The following NEBL variants were observed in gnomAD, a reference collection of about 807,000 sequenced individuals.
NEBL encodes the protein nebulette, also known as LIM and SH3 protein 2.
Under a neutral mutation model 140.2 loss-of-function variants are expected in NEBL, and 122 were observed. The ratio of observed to expected loss-of-function variants is 0.87; its 90% CI spans 0.75 to 1.01. The LOEUF is 1.01. Among genes scored for constraint, NEBL ranks in the 50% least tolerant of loss-of-function variants. The pLI, the probability that NEBL is intolerant of heterozygous loss-of-function variation, is 0.00. For synonymous variants in NEBL, 436 were observed against 398.9 expected, an observed-to-expected ratio of 1.09 and a Z score of -1.11; for missense variants, 1,365 against 1,231.3, an observed-to-expected ratio of 1.11 and a Z score of -1.62.
intron 1 of NEBL, among the ~76,000 whole-genome samples, chr10:21,280,521 C>A (rs1313287968): frequency 6.6e-6 from 1 of 151,470 alleles, no homozygotes; most frequent in Non-Finnish European, 1.5e-5. Context: ...AGACAGTGGC[C>A]TAGGAGGTGT....
At chr10:21,112,767 A>T (rs1838088607) in intron 2 of NEBL, 2 of 162,290 alleles carry the variant, frequency 1.2e-5, no homozygotes, top group South Asian at 1.8e-4. Context: ...AAAAGAAAAA[A>T]ATTGAAAATG....
chr10:21,071,274 G>A (rs1421992205), intron 2 of NEBL, among the ~76,000 whole-genome samples: 1 of 150,818 alleles, frequency 6.6e-6, no homozygotes, highest in Non-Finnish European at 1.5e-5. Context: ...GAAGGTCCCT[G>A]AAAAATATTA....
At chr10:21,076,930 A>C (rs1032286806) in intron 2 of NEBL, among the ~76,000 whole-genome samples, 1 of 152,192 alleles carries the variant, frequency 6.6e-6, no homozygotes, top group Non-Finnish European at 1.5e-5. Context: ...TTAGTGTTTC[A>C]TGGATGTGGA....
intron 10 of NEBL, 55 bp from the exon 11 acceptor site, chr10:20,850,557 C>G: frequency 8.8e-7 from 1 of 1,130,130 alleles, no homozygotes; most frequent in Non-Finnish European, 1.3e-6. Context: ...ACAAACAGAG[C>G]AAACTAAGAA....
At chr10:20,819,396 A>C (rs748705895) in intron 20 of NEBL, 28 bp downstream of exon 20, 2 of 1,613,872 alleles carry the variant, frequency 1.2e-6, no homozygotes, top group Non-Finnish European at 1.7e-6. Context: ...TGTTTGAGAA[A>C]ATATAAAAGG....
intron 3 of NEBL, among the ~76,000 whole-genome samples, chr10:21,229,240 G>T (rs773887917): frequency 8.5e-5 from 13 of 152,134 alleles, no homozygotes; most frequent in Admixed American, 3.3e-4. Flanking sequence ...AGGCAACATG[G>T]CAAAGGCCTA....
chr10:20,939,472 GC>G (rs976788831), intron 4 of NEBL, among the ~76,000 whole-genome samples: 67 of 152,318 alleles, frequency 4.4e-4, no homozygotes, highest in African/African-American at 1.5e-3. Context: ...ACCAGCCACT[GC>G]AAAAACATGC....
chr10:21,160,623 A>G (rs1840518138), intron 2 of NEBL, among the ~76,000 whole-genome samples: 1 of 144,734 alleles, frequency 6.9e-6, no homozygotes, highest in Admixed American at 7.1e-5. Context: ...AGAGAGAAAG[A>G]GAAACGGAGA....
At chr10:20,883,273 C>T (rs1245894647) in intron 4 of NEBL, among the ~76,000 whole-genome samples, 4 of 152,164 alleles carry the variant, frequency 2.6e-5, no homozygotes, top group Non-Finnish European at 1.5e-5. Context: ...CAGTCCTGCC[C>T]AGCCATGTTC....
intron 4 of NEBL, among the ~76,000 whole-genome samples, chr10:20,951,734 G>T (rs1029370062): frequency 8.5e-5 from 13 of 152,112 alleles, no homozygotes; most frequent in African/African-American, 3.1e-4. Flanking sequence ...AGTCACATCT[G>T]GGACTCCAAA....
intron 2 of NEBL, among the ~76,000 whole-genome samples, chr10:21,166,430 A>G (rs967058463): frequency 2.0e-5 from 3 of 152,196 alleles, no homozygotes; most frequent in Non-Finnish European, 4.4e-5. Context: ...AGCAGCCCAT[A>G]GTGCGAAAAA....
chr10:21,047,731 G>A (rs1834585042), intron 2 of NEBL, among the ~76,000 whole-genome samples: 1 of 152,148 alleles, frequency 6.6e-6, no homozygotes, highest in Admixed American at 6.5e-5. Context: ...CTTAATCCTT[G>A]TTCTGCCACC....
intron 1 of NEBL, among the ~76,000 whole-genome samples, chr10:21,274,228 T>C (rs1842891943): frequency 6.6e-6 from 1 of 152,108 alleles, no homozygotes; most frequent in South Asian, 2.1e-4. Flanking sequence ...GGAAATACAG[T>C]GGACCCTTAA....
chr10:20,902,867 G>C (rs1847929409), intron 4 of NEBL, among the ~76,000 whole-genome samples: 1 of 152,108 alleles, frequency 6.6e-6, no homozygotes, highest in South Asian at 2.1e-4. Flanking sequence ...CCCTTTCCTA[G>C]AGTTTTATGT....
chr10:21,060,891 G>A (rs932237863), intron 2 of NEBL, among the ~76,000 whole-genome samples: 1 of 152,010 alleles, frequency 6.6e-6, no homozygotes, highest in African/African-American at 2.4e-5. Context: ...CCTGCCTAAA[G>A]CACACTCTTC....
At chr10:21,038,710 C>T (rs944330269) in intron 2 of NEBL, among the ~76,000 whole-genome samples, 4 of 152,106 alleles carry the variant, frequency 2.6e-5, no homozygotes, top group African/African-American at 9.7e-5. Flanking sequence ...GATTTATAAT[C>T]CTTTGAGTAT....
chr10:21,033,778 G>A (rs1010194392), intron 2 of NEBL, among the ~76,000 whole-genome samples: 3 of 150,564 alleles, frequency 2.0e-5, no homozygotes, highest in African/African-American at 7.3e-5. Context: ...AAAGAAAATT[G>A]TATGATAAAA....
At chr10:21,210,117 C>T (rs1033956327) in intron 3 of NEBL, among the ~76,000 whole-genome samples, 3 of 152,180 alleles carry the variant, frequency 2.0e-5, no homozygotes, top group South Asian at 2.1e-4. Flanking sequence ...ATGGGCAGGG[C>T]ATGGTGGCTC....
intron 3 of NEBL, among the ~76,000 whole-genome samples, chr10:20,980,016 A>T (rs1836967738): frequency 6.6e-6 from 1 of 151,752 alleles, no homozygotes; most frequent in South Asian, 2.1e-4. Context: ...AAATTTTAAG[A>T]TGTGAATATA....
Sources: gnomAD v4.1 joint callset for allele counts (sites outside exome capture counted in the v4.1 genomes callset) on GRCh38, gnomAD v4.1.1 for gene constraint, MANE v1.5 for transcripts, NCBI Gene and HGNC (gene_info 2026-07-23, HGNC 2026-07-21) for gene names.